The following RARB variants were observed in gnomAD, a reference collection of about 807,000 sequenced individuals.
RARB encodes HBV-activated protein.
A neutral mutation model predicts 51.9 loss-of-function variants in RARB; 17 were observed. That is an observed-to-expected ratio of 0.33 (90% confidence interval 0.22 to 0.49). RARB has a LOEUF of 0.49. Among genes scored for constraint, RARB ranks in the 20% least tolerant of loss-of-function variants. RARB has a pLI of 0.99. For synonymous variants in RARB, 215 were observed against 195.4 expected (o/e 1.10, Z -0.84); for missense variants, 369 against 550.8 (o/e 0.67, Z 3.30).
intron 1 of RARB, among the ~76,000 whole-genome samples, chr3:25,456,683 A>ATAT: frequency 1.5e-5 from 1 of 65,056 alleles, no homozygotes; most frequent in East Asian, 5.1e-4. Context: ...ATATATATAT[A>ATAT]GAGAGAGAGA....
At chr3:24,842,562 A>G (rs977288384) in intron 1 of RARB, among the ~76,000 whole-genome samples, 2 of 152,122 alleles carry the variant, frequency 1.3e-5, no homozygotes, top group Non-Finnish European at 2.9e-5. Context: ...GCCGTTATTC[A>G]TTTGTTATTG....
intron 1 of RARB, among the ~76,000 whole-genome samples, chr3:24,843,593 C>T (rs772710596): frequency 3.3e-5 from 5 of 152,086 alleles, no homozygotes; most frequent in Non-Finnish European, 7.4e-5. Context: ...GCCCACACAC[C>T]ATCAAACTAA....
At position 25,504,932 on chromosome 3, in the gene RARB, A is replaced by G. The variant is rs1026579205; in HGVS notation, c.448+3609A>G. The stretch of plus-strand genomic sequence containing the variant: ...GCCACCACGCCCGGCTAATTTTTGT[A>G]TCTTTAGTAGAGATGGCGTTTCATC... On this transcript the variant is annotated intron_variant, in intron 3 of 7. Coordinates refer to ENST00000330688, the MANE Select transcript of RARB (RefSeq NM_000965.5). Among the ~76,000 whole-genome samples the G allele has an allele frequency of 2.6e-5, 4 of 151,960 alleles. 1 individual carries two copies. In the East Asian group the frequency reaches 7.7e-4, roughly 29 times the overall value.
intron 1 of RARB, among the ~76,000 whole-genome samples, chr3:24,832,653 T>TATATATATATATATATA (rs1169669449): frequency 1.6e-5 from 1 of 63,402 alleles, no homozygotes; most frequent in African/African-American, 1.0e-4. Flanking sequence ...ATATATATAA[T>TATATATATATATATATA]GTCAATTAAA....
intron 5 of RARB, among the ~76,000 whole-genome samples, chr3:25,326,765 ATAGG>A (rs777080342): frequency 1.3e-5 from 2 of 152,196 alleles, no homozygotes; most frequent in African/African-American, 2.4e-5. Context: ...AAAATATTTA[ATAGG>A]TAGGCTGGAT....
At position 25,596,775 on chromosome 3, in the gene RARB, C is replaced by T; in HGVS notation, c.*159C>T. 2 of 526,956 alleles carry T rather than the reference C, an allele frequency of 3.8e-6. No homozygotes were observed. Among genetic ancestry groups the T allele is most frequent in the Non-Finnish European group, 6.3e-6 (2 of 318,242 alleles). The allele number at this position is 526,956 out of a possible 1,614,324, so 32.6% of individuals were successfully genotyped here. On this transcript the variant is annotated 3_prime_UTR_variant, in exon 8 of 8. Coordinates refer to ENST00000330688, the MANE Select transcript of RARB (RefSeq NM_000965.5). Reference sequence around the variant, plus strand: ...TTCATATGTATCAATATATATACTCCTCACTGTGTAACTTACCTAGAAATA... The same window carrying T: ...TTCATATGTATCAATATATATACTCTTCACTGTGTAACTTACCTAGAAATA...
intron 5 of RARB, among the ~76,000 whole-genome samples, chr3:25,261,842 G>A (rs1314539612): frequency 6.6e-6 from 1 of 152,002 alleles, no homozygotes; most frequent in Admixed American, 6.6e-5. Context: ...GTCTTATGGG[G>A]CACTATTCCC....
chr3:25,279,218 C>A (rs1017676074), intron 5 of RARB, among the ~76,000 whole-genome samples: 1 of 152,186 alleles, frequency 6.6e-6, no homozygotes. Flanking sequence ...AAAATCAACA[C>A]TGAAACTTGG....
chr3:25,316,968 A>G (rs1415888109), intron 5 of RARB, among the ~76,000 whole-genome samples: 1 of 152,170 alleles, frequency 6.6e-6, no homozygotes, highest in Non-Finnish European at 1.5e-5. Flanking sequence ...CATTTAGCCA[A>G]CCAAGGTCCT....
At chr3:24,961,550 A>G (rs1696138431) in intron 2 of RARB, among the ~76,000 whole-genome samples, 2 of 145,322 alleles carry the variant, frequency 1.4e-5, no homozygotes, top group Admixed American at 6.8e-5. Context: ...CTCTTTATCT[A>G]TGGAAGGAAT....
At chr3:25,009,626 G>A (rs4302350) in intron 2 of RARB, among the ~76,000 whole-genome samples, 76,238 of 151,768 alleles carry the variant, frequency 0.5, 20,140 homozygotes, top group East Asian at 0.65. Flanking sequence ...CTGGCAACAG[G>A]CTGAAACACT....
intron 2 of RARB, among the ~76,000 whole-genome samples, chr3:24,860,875 C>T (rs2125341782): frequency 6.6e-6 from 1 of 152,236 alleles, no homozygotes; most frequent in African/African-American, 2.4e-5. Context: ...TTCTTGTATA[C>T]TAATGACTTA....
chr3:25,408,173 GT>G (rs2125498940), intron 5 of RARB, among the ~76,000 whole-genome samples: 1 of 152,202 alleles, frequency 6.6e-6, no homozygotes, highest in East Asian at 1.9e-4. Flanking sequence ...CAGGCTCTGT[GT>G]CTCATTTCTT....
At chr3:25,164,798 C>T (rs80223246) in intron 4 of RARB, among the ~76,000 whole-genome samples, 2,895 of 152,216 alleles carry the variant, frequency 0.019, 74 homozygotes, top group African/African-American at 0.066. Context: ...AGCAAGTATG[C>T]TGTGTCTGTT....
At chr3:25,495,965 A>C (rs1697007039) in intron 2 of RARB, among the ~76,000 whole-genome samples, 1 of 152,252 alleles carries the variant, frequency 6.6e-6, no homozygotes, top group African/African-American at 2.4e-5. Context: ...TGCACAAGTC[A>C]CAGCCAACAG....
intron 3 of RARB, among the ~76,000 whole-genome samples, chr3:25,109,497 T>C (rs1480670669): frequency 6.6e-6 from 1 of 152,200 alleles, no homozygotes; most frequent in Non-Finnish European, 1.5e-5. Context: ...TTACATGTTT[T>C]TTTAAACAGT....
chr3:25,009,265 G>A (rs1304282330), intron 2 of RARB, among the ~76,000 whole-genome samples: 1 of 152,126 alleles, frequency 6.6e-6, no homozygotes, highest in African/African-American at 2.4e-5. Flanking sequence ...GCTGACAGAA[G>A]ATACATAGGT....
chr3:25,546,864 G>C (rs1425613773), intron 3 of RARB, among the ~76,000 whole-genome samples: 2 of 152,054 alleles, frequency 1.3e-5, no homozygotes, highest in Non-Finnish European at 2.9e-5. Flanking sequence ...TCATGTTTTA[G>C]TTTAACATTG....
At chr3:25,361,160 G>A (rs927585861) in intron 5 of RARB, among the ~76,000 whole-genome samples, 1 of 152,034 alleles carries the variant, frequency 6.6e-6, no homozygotes, top group South Asian at 2.1e-4. Context: ...CATATTTCTT[G>A]GACACTTTGT....
Sources: gnomAD v4.1 joint callset for allele counts (sites outside exome capture counted in the v4.1 genomes callset) on GRCh38, gnomAD v4.1.1 for gene constraint, MANE v1.5 for transcripts, NCBI Gene and HGNC (gene_info 2026-07-23, HGNC 2026-07-21) for gene names.